The following MACROD2 variants were observed in gnomAD, a reference collection of about 807,000 sequenced individuals.
The protein encoded by MACROD2 is ADP-ribose glycohydrolase MACROD2.
Under a neutral mutation model 70.4 loss-of-function variants are expected in MACROD2, and 36 were observed. The observed-to-expected ratio is 0.51, with a 90% confidence interval of 0.39 to 0.68. The LOEUF is 0.68. Among genes scored for constraint, MACROD2 ranks in the 30% least tolerant of loss-of-function variants. The pLI is 0.00. For synonymous variants in MACROD2, 172 were observed against 178.8 expected, an observed-to-expected ratio of 0.96 and a Z score of 0.30; for missense variants, 496 against 538.4, an observed-to-expected ratio of 0.92 and a Z score of 0.78.
chr20:14,602,301 T>C (rs1029490203), intron 4 of MACROD2, among the ~76,000 whole-genome samples: 6 of 152,238 alleles, frequency 3.9e-5, no homozygotes, highest in Non-Finnish European at 8.8e-5. Flanking sequence ...TGTTTGCACA[T>C]GCAGGCCCTT....
At chr20:14,381,777 A>C (rs1207179040) in intron 3 of MACROD2, among the ~76,000 whole-genome samples, 1 of 152,170 alleles carries the variant, frequency 6.6e-6, no homozygotes, top group Non-Finnish European at 1.5e-5. Flanking sequence ...CTTCAATAAA[A>C]AGAAAAATTC....
intron 6 of MACROD2, among the ~76,000 whole-genome samples, chr20:15,398,923 C>G (rs2045894778): frequency 6.6e-6 from 1 of 152,154 alleles, no homozygotes; most frequent in Admixed American, 6.5e-5. Context: ...CTCAAGTGAT[C>G]CTTCTCGCCT....
At chr20:14,632,159 G>T (rs1022450324) in intron 4 of MACROD2, among the ~76,000 whole-genome samples, 2 of 151,970 alleles carry the variant, frequency 1.3e-5, no homozygotes, top group African/African-American at 4.8e-5. Flanking sequence ...GCTTACTGTA[G>T]TGTGAATGAT....
intron 6 of MACROD2, among the ~76,000 whole-genome samples, chr20:15,261,585 A>G (rs773646180): frequency 1.7e-4 from 26 of 152,022 alleles, no homozygotes; most frequent in Non-Finnish European, 2.8e-4. Context: ...TTTTTAGGTC[A>G]TTTAAACATC....
intron 5 of MACROD2, among the ~76,000 whole-genome samples, chr20:15,036,722 A>C (rs1001006201): frequency 2.6e-5 from 4 of 152,110 alleles, no homozygotes; most frequent in African/African-American, 9.7e-5. Flanking sequence ...CTATACCCAA[A>C]GTTGTGTCTT....
At chr20:15,355,171 G>A (rs2078272652) in intron 6 of MACROD2, among the ~76,000 whole-genome samples, 1 of 152,152 alleles carries the variant, frequency 6.6e-6, no homozygotes, top group Non-Finnish European at 1.5e-5. Flanking sequence ...TAAAGGCTCA[G>A]TCATCCGCAA....
At chr20:14,411,756 T>G (rs1344686829) in intron 3 of MACROD2, among the ~76,000 whole-genome samples, 2 of 152,046 alleles carry the variant, frequency 1.3e-5, no homozygotes, top group Non-Finnish European at 2.9e-5. Context: ...TACCAGCACC[T>G]CCCTGTGTGT....
intron 3 of MACROD2, among the ~76,000 whole-genome samples, chr20:14,277,978 C>T (rs759003325): frequency 3.0e-4 from 45 of 152,142 alleles, no homozygotes; most frequent in Non-Finnish European, 1.9e-4. Flanking sequence ...ACTAACTTGC[C>T]TTCTTAGAAG....
chr20:14,889,087 G>A (rs1176436671), intron 5 of MACROD2, among the ~76,000 whole-genome samples: 3 of 152,056 alleles, frequency 2.0e-5, no homozygotes, highest in African/African-American at 4.8e-5. Context: ...TCCATATACA[G>A]CAGTATGAAT....
intron 8 of MACROD2, among the ~76,000 whole-genome samples, chr20:15,851,925 C>T (rs1001157629): frequency 1.1e-4 from 16 of 152,308 alleles, no homozygotes; most frequent in Middle Eastern, 3.4e-3. Context: ...CACGAGCACA[C>T]GGCAGCTTCC....
chr20:15,485,640 A>G (rs565423586), intron 7 of MACROD2, among the ~76,000 whole-genome samples: 8 of 152,306 alleles, frequency 5.3e-5, no homozygotes, highest in South Asian at 2.1e-4. Context: ...TTTAAAATGC[A>G]GTTTTCCTCC....
chr20:15,240,419 G>T, intron 6 of MACROD2, among the ~76,000 whole-genome samples: 1 of 152,038 alleles, frequency 6.6e-6, no homozygotes. Flanking sequence ...AAGATGGGAT[G>T]ACAGCTAGGT....
At chr20:15,566,317 C>T (rs576467630) in intron 8 of MACROD2, among the ~76,000 whole-genome samples, 6 of 151,932 alleles carry the variant, frequency 3.9e-5, no homozygotes, top group Non-Finnish European at 7.4e-5. Context: ...AACCCACCCC[C>T]CACCGTCTCT....
intron 5 of MACROD2, among the ~76,000 whole-genome samples, chr20:15,221,253 C>T (rs1260854536): frequency 6.6e-6 from 1 of 152,164 alleles, no homozygotes. Flanking sequence ...TATCATCTTC[C>T]TTGAAACAGT....
intron 5 of MACROD2, among the ~76,000 whole-genome samples, chr20:14,999,795 G>C (rs1020485169): frequency 2.6e-5 from 4 of 152,208 alleles, no homozygotes; most frequent in Non-Finnish European, 5.9e-5. Context: ...TTATTTGCAA[G>C]CCTCATGGTA....
At chr20:14,966,352 G>A (rs2074636444) in intron 5 of MACROD2, among the ~76,000 whole-genome samples, 1 of 152,198 alleles carries the variant, frequency 6.6e-6, no homozygotes, top group African/African-American at 2.4e-5. Context: ...GAGGCAGGGG[G>A]AGCGTTTGAG....
At chr20:14,558,605 T>C (rs905080756) in intron 4 of MACROD2, among the ~76,000 whole-genome samples, 1 of 151,750 alleles carries the variant, frequency 6.6e-6, no homozygotes, top group Non-Finnish European at 1.5e-5. Context: ...CATTGTATAA[T>C]TATAAAAAGA....
intron 5 of MACROD2, among the ~76,000 whole-genome samples, chr20:14,812,312 A>T (rs1215770340): frequency 6.6e-6 from 1 of 152,008 alleles, no homozygotes; most frequent in African/African-American, 2.4e-5. Flanking sequence ...CAGCAAACTA[A>T]CACAGGAAGA....
chr20:15,961,370 C>G (rs1174875142), intron 12 of MACROD2, among the ~76,000 whole-genome samples: 1 of 152,098 alleles, frequency 6.6e-6, no homozygotes, highest in Non-Finnish European at 1.5e-5. Context: ...AAACAGGTGC[C>G]TTTACATTTG....
Sources: allele counts gnomAD v4.1 joint callset (sites outside exome capture counted in the v4.1 genomes callset), GRCh38; gene constraint gnomAD v4.1.1; transcripts MANE v1.5; gene names NCBI Gene and HGNC (gene_info 2026-07-23, HGNC 2026-07-21).